Variants in ACTN1 observed in about 807,000 individuals in gnomAD.
The protein encoded by ACTN1 is actinin alpha 1.
In ACTN1, 30 loss-of-function variants were observed where a neutral mutation model predicts 119.6. The ratio of observed to expected loss-of-function variants is 0.25; its 90% CI spans 0.19 to 0.34. The LOEUF is 0.34. Ranked by LOEUF, ACTN1 falls within the 10% of genes least tolerant of loss-of-function variation. The pLI, the probability that ACTN1 is intolerant of heterozygous loss-of-function variation, is 1.00. For synonymous variants in ACTN1, 429 were observed against 472.6 expected, an observed-to-expected ratio of 0.91 and a Z score of 1.20; for missense variants, 764 against 1,223.4, an observed-to-expected ratio of 0.62 and a Z score of 5.60.
Position 68,878,535 on chromosome 14 carries a change from A to G in ACTN1, c.2362-12T>C, listed in dbSNP as rs375166006. 9.9e-6 allele frequency: 16 copies of G among 1,610,340 alleles called. No homozygotes were observed. The African/African-American group carries it at 2.1e-4, about 22-fold the overall frequency. On this transcript the variant is annotated splice_polypyrimidine_tract_variant and intron_variant, in intron 19 of 21. Coordinates refer to ENST00000394419, the MANE Select transcript of ACTN1 (RefSeq NM_001130004.2). The surrounding 1 kb of genome is among the most constrained non-coding windows in gnomAD (Gnocchi z 4.4). ...ATGCCTGTCTTCTTCTGTGGGGGGC[A>G]GTGGTACCAAGACACAAGGAGGGTC...
intron 1 of ACTN1, among the ~76,000 whole-genome samples, chr14:68,966,839 A>G (rs1157477434): frequency 6.6e-6 from 1 of 152,262 alleles, no homozygotes; most frequent in Non-Finnish European, 1.5e-5. Flanking sequence ...CAAAAGGACC[A>G]GAAATTCCCT....
At chr14:68,887,035 T>C (rs1028995000) in intron 11 of ACTN1, 3 of 164,336 alleles carry the variant, frequency 1.8e-5, no homozygotes, top group Non-Finnish European at 2.6e-5. Flanking sequence ...CGTTTCAATT[T>C]GTACACAATT....
rs769075242 is a variant in ACTN1, at chr14:68,910,182, T to C, written c.428-140A>G. Reference sequence around the variant, plus strand: ...GGAGGAGCCCTGGCCATCAAGTCTATTCCCTTGACAGAGTTTGAGAAGTTA... The same window carrying C: ...GGAGGAGCCCTGGCCATCAAGTCTACTCCCTTGACAGAGTTTGAGAAGTTA... On this transcript the variant is annotated intron_variant, in intron 4 of 21. Transcript: ENST00000394419. 13 of 625,040 alleles carry C rather than the reference T, an allele frequency of 2.1e-5. 1 individual carries two copies. In the Middle Eastern group the frequency reaches 3.4e-3, roughly 163 times the overall value. 38.7% of individuals were successfully genotyped at this position (625,040 alleles called of 1,614,324 possible).
chr14:68,976,475 T>C (rs897462560), intron 1 of ACTN1, among the ~76,000 whole-genome samples: 4 of 152,236 alleles, frequency 2.6e-5, no homozygotes, highest in South Asian at 2.1e-4. Flanking sequence ...TTCTGCAGAC[T>C]GAGGCCCACG....
chr14:68,878,767 G>A lies in ACTN1; in HGVS notation c.2361+222C>T, dbSNP rs535960486. The A allele has an allele frequency of 1.1e-5, 17 of 1,553,322 alleles. No individual in the cohort carries two copies. The highest frequency in any genetic ancestry group is 3.3e-4 in the Middle Eastern group (2 of 6,008). Reference sequence around the variant, plus strand: ...ATCCACCCATGGGATGAAGAGCAGCGAGGACGGAAGACAGCGGGCACCCAG... The same window carrying A: ...ATCCACCCATGGGATGAAGAGCAGCAAGGACGGAAGACAGCGGGCACCCAG... On this transcript the variant is annotated intron_variant, in intron 19 of 21. Transcript: ENST00000394419. This position sits in a 1 kb window ranked among gnomAD's most constrained non-coding sequence, Gnocchi z 4.4.
chr14:68,926,804 C>T (rs774685829), intron 1 of ACTN1, among the ~76,000 whole-genome samples: 1 of 152,028 alleles, frequency 6.6e-6, no homozygotes, highest in Non-Finnish European at 1.5e-5. Context: ...GGTGAAGTGG[C>T]AATAAGTGGG....
intron 1 of ACTN1, among the ~76,000 whole-genome samples, chr14:68,976,605 T>C (rs1342827854): frequency 1.3e-5 from 2 of 152,216 alleles, no homozygotes; most frequent in African/African-American, 4.8e-5. Context: ...CCAAAGCACG[T>C]GTCGGCTCTC....
intron 4 of ACTN1, among the ~76,000 whole-genome samples, chr14:68,910,713 C>A (rs2033957575): frequency 6.6e-6 from 1 of 152,122 alleles, no homozygotes. Context: ...TTGTAGCTCC[C>A]ATAATTCCCA....
intron 1 of ACTN1, chr14:68,978,347 C>T (rs997851756): frequency 2.6e-6 from 1 of 385,654 alleles, no homozygotes; most frequent in Non-Finnish European, 5.2e-6. Context: ...CGGGGGAGCC[C>T]GCGTACGCCC....
At chr14:68,924,757 A>C (rs1269338700) in intron 2 of ACTN1, among the ~76,000 whole-genome samples, 4 of 152,256 alleles carry the variant, frequency 2.6e-5, no homozygotes. Flanking sequence ...AAGGACTGAG[A>C]AGAAGGAATC....
chr14:68,952,524 A>C (rs2036202206), intron 1 of ACTN1, among the ~76,000 whole-genome samples: 1 of 152,202 alleles, frequency 6.6e-6, no homozygotes, highest in Non-Finnish European at 1.5e-5. Context: ...GATGGGGTCA[A>C]AGAATGAGAA....
intron 1 of ACTN1, among the ~76,000 whole-genome samples, chr14:68,960,238 A>G (rs1294370558): frequency 1.3e-5 from 2 of 152,028 alleles, no homozygotes; most frequent in Non-Finnish European, 2.9e-5. Flanking sequence ...AACTTTTATG[A>G]AAAAAAATCT....
intron 1 of ACTN1, among the ~76,000 whole-genome samples, chr14:68,975,099 G>C (rs1179056253): frequency 1.3e-5 from 2 of 152,222 alleles, no homozygotes; most frequent in Non-Finnish European, 2.9e-5. Flanking sequence ...CTTGGCTATA[G>C]CTCCTGCAAT....
intron 1 of ACTN1, among the ~76,000 whole-genome samples, chr14:68,953,418 C>G (rs1023657309): frequency 6.6e-6 from 1 of 152,218 alleles, no homozygotes; most frequent in Non-Finnish European, 1.5e-5. Flanking sequence ...GTGCCCAGCA[C>G]AGGGACATCT....
rs752246294 is a variant in ACTN1 at position 68,884,763 on chromosome 14, G to A, written c.1494+12C>T. On this transcript the variant is annotated intron_variant, in intron 13 of 21. Coordinates refer to ENST00000394419, the MANE Select transcript of ACTN1 (RefSeq NM_001130004.2). ...CGGATATGGGCCTAGATCTCCCTCT[G>A]GGACCTCTCACCTCCAGAGCTTCCC... The A allele has an allele frequency of 1.9e-6, 3 of 1,597,954 alleles. No individual in the cohort carries two copies. Among genetic ancestry groups the A allele is most frequent in the South Asian group, 2.2e-5 (2 of 90,768 alleles).
chr14:68,914,747 A>C lies in ACTN1; in HGVS notation c.341-2505T>G, dbSNP rs116110893. Among the ~76,000 whole-genome samples, 862 of 152,284 alleles carry C rather than the reference A, an allele frequency of 5.7e-3. 5 individuals carry two copies. Among genetic ancestry groups the C allele is most frequent in the African/African-American group, 0.02 (814 of 41,548 alleles). ...GATATCACCGCTGCACTCCAACCTA[A>C]GCGACAAGTTGAGACCCTGTCTCTT... On this transcript the variant is annotated intron_variant, in intron 3 of 21. Transcript: ENST00000394419.
chr14:68,944,890 ATG>A (rs2035885517), intron 1 of ACTN1, among the ~76,000 whole-genome samples: 2 of 146,996 alleles, frequency 1.4e-5, no homozygotes, highest in Non-Finnish European at 3.1e-5. Context: ...AGGTCACCCT[ATG>A]CGTGTGTGGG....
rs148397063 is a variant in ACTN1 at position 68,890,140 on chromosome 14, G to A, written c.1233C>T (p.Asp411=). 139 of 1,612,232 alleles carry A rather than the reference G, an allele frequency of 8.6e-5. No homozygotes were observed. The highest frequency in any genetic ancestry group is 1.7e-4 in the Middle Eastern group (1 of 5,916). ...GGCAGGAGGCTGGGCTGGCCTCACC[G>A]TCAGTCCAGGCCTCGTGGATGGAGG... The part of the protein sequence containing the change: ...QKASIHEAWT[D]GKEAMLRQKD... The change falls in exon 11 of 22, where the codon GAC becomes GAT. Residue 411 remains aspartate (D), a splice_region_variant and synonymous_variant. Coordinates refer to ENST00000394419, the MANE Select transcript of ACTN1 (RefSeq NM_001130004.2).
At chr14:68,929,663 AC>A (rs1566648827) in intron 1 of ACTN1, among the ~76,000 whole-genome samples, 1 of 152,112 alleles carries the variant, frequency 6.6e-6, no homozygotes, top group African/African-American at 2.4e-5. Context: ...ACCAAGGACC[AC>A]ACTGGGATGT....
Sources: allele counts gnomAD v4.1 joint callset (sites outside exome capture counted in the v4.1 genomes callset), GRCh38; gene constraint gnomAD v4.1.1; non-coding constraint Gnocchi (gnomAD v3.1); transcripts MANE v1.5; gene names NCBI Gene and HGNC (gene_info 2026-07-23, HGNC 2026-07-21).